PPARG: variants seen among roughly 807,000 people sequenced by gnomAD.
PPARG encodes the protein peroxisome proliferator-activated receptor gamma.
In PPARG, 17 loss-of-function variants were observed where a neutral mutation model predicts 39.2. The observed-to-expected ratio is 0.43, with a 90% CI of 0.30 to 0.65. The LOEUF is 0.65. Ranked by LOEUF, PPARG falls within the 30% of genes least tolerant of loss-of-function variation. PPARG has a pLI of 0.13. For synonymous variants in PPARG, 223 were observed against 215.7 expected (o/e 1.03, Z -0.30); for missense variants, 406 against 585.9 (o/e 0.69, Z 3.17).
At chr3:12,433,537 C>CAA (rs11451254) in intron 7 of PPARG, among the ~76,000 whole-genome samples, 1,461 of 98,740 alleles carry the variant, frequency 0.015, 42 homozygotes, top group African/African-American at 0.047. Context: ...GACTCCATCT[C>CAA]AAAAAAAAAA....
intron 2 of PPARG, among the ~76,000 whole-genome samples, chr3:12,340,766 A>G (rs1255416279): frequency 6.6e-6 from 1 of 152,222 alleles, no homozygotes; most frequent in Non-Finnish European, 1.5e-5. Context: ...TATTCTAACT[A>G]TGCCCTGTAA....
chr3:12,393,771 T>C (rs1032370685), intron 5 of PPARG, among the ~76,000 whole-genome samples: 3 of 152,006 alleles, frequency 2.0e-5, no homozygotes, highest in Non-Finnish European at 4.4e-5. Context: ...TCTGAGAAAA[T>C]TAAATTTTTG....
chr3:12,380,002 T>C (rs1038020475), intron 3 of PPARG, 71 bp downstream of exon 3: 2 of 1,269,260 alleles, frequency 1.6e-6, no homozygotes, highest in African/African-American at 3.0e-5. Flanking sequence ...AACCCTGTAA[T>C]AAATAATGCT....
intron 2 of PPARG, among the ~76,000 whole-genome samples, chr3:12,370,177 G>A (rs575431919): frequency 1.3e-5 from 2 of 152,048 alleles, no homozygotes; most frequent in African/African-American, 2.4e-5. Flanking sequence ...AAAATTCTAG[G>A]TTGGAAATTT....
intron 2 of PPARG, among the ~76,000 whole-genome samples, chr3:12,377,503 G>T (rs1026278114): frequency 2.0e-5 from 3 of 152,094 alleles, no homozygotes; most frequent in Non-Finnish European, 4.4e-5. Context: ...TAATAATTGA[G>T]TGATTTTTCC....
In PPARG at chr3:12,433,884, A is replaced by T; in HGVS notation, c.1181-14A>T. On this transcript the variant is annotated splice_polypyrimidine_tract_variant and intron_variant, in intron 7 of 7. Transcript: ENST00000651735. ...CTGAACCCCCTGTTGTGTTTTCCATATGTGCTTCCCCAGACCGCCCAGGTT... is the reference window on the plus strand; with the variant it reads ...CTGAACCCCCTGTTGTGTTTTCCATTTGTGCTTCCCCAGACCGCCCAGGTT... 6.2e-7 allele frequency: 1 copy of T among 1,613,888 alleles called. No individual in the cohort carries two copies. Among genetic ancestry groups the T allele is most frequent in the South Asian group, 1.1e-5 (1 of 91,066 alleles).
At chr3:12,417,771 TA>T (rs2051112243) in intron 7 of PPARG, among the ~76,000 whole-genome samples, 1 of 151,980 alleles carries the variant, frequency 6.6e-6, no homozygotes, top group African/African-American at 2.4e-5. Context: ...AACATAGAAA[TA>T]AATTTAGTTA....
chr3:12,365,367 A>T (rs1287897280), intron 2 of PPARG, among the ~76,000 whole-genome samples: 2 of 152,162 alleles, frequency 1.3e-5, no homozygotes, highest in East Asian at 3.8e-4. Flanking sequence ...TGCACAGAGC[A>T]GACTTTTTTT....
chr3:12,424,756 C>T (rs2051379784), intron 7 of PPARG, among the ~76,000 whole-genome samples: 1 of 152,220 alleles, frequency 6.6e-6, no homozygotes, highest in African/African-American at 2.4e-5. Context: ...TGGCCCATTG[C>T]AAAGCCCTGG....
intron 1 of PPARG, among the ~76,000 whole-genome samples, chr3:12,310,590 A>G (rs2047205812): frequency 8.5e-6 from 1 of 117,412 alleles, no homozygotes; most frequent in African/African-American, 3.1e-5. Flanking sequence ...CAGCCTCCCA[A>G]GTAGCTGGGA....
At chr3:12,408,017 C>G (rs2050734042) in intron 6 of PPARG, among the ~76,000 whole-genome samples, 1 of 152,090 alleles carries the variant, frequency 6.6e-6, no homozygotes, top group South Asian at 2.1e-4. Flanking sequence ...CCCTAAGACC[C>G]CACAGCAAGT....
intron 5 of PPARG, among the ~76,000 whole-genome samples, chr3:12,401,358 T>G (rs1308897499): frequency 6.6e-6 from 1 of 152,160 alleles, no homozygotes; most frequent in East Asian, 1.9e-4. Flanking sequence ...TCTTTCTCTG[T>G]GGGAGAGGTC....
intron 2 of PPARG, among the ~76,000 whole-genome samples, chr3:12,379,437 G>A (rs2049540621): frequency 6.6e-6 from 1 of 152,096 alleles, no homozygotes; most frequent in South Asian, 2.1e-4. Flanking sequence ...CAGGCCTGTT[G>A]GCAAAAAGGC....
At chr3:12,330,601 A>G (rs1438895880) in intron 2 of PPARG, among the ~76,000 whole-genome samples, 4 of 152,194 alleles carry the variant, frequency 2.6e-5, no homozygotes, top group Non-Finnish European at 5.9e-5. Flanking sequence ...TCAGCCTTCC[A>G]TTGCCATATA....
At chr3:12,339,404 T>G (rs2048109398) in intron 2 of PPARG, among the ~76,000 whole-genome samples, 1 of 152,206 alleles carries the variant, frequency 6.6e-6, no homozygotes, top group East Asian at 1.9e-4. Flanking sequence ...TTGCAAAGCT[T>G]GGTAAATTTA....
At chr3:12,334,609 A>G (rs566210975) in intron 2 of PPARG, among the ~76,000 whole-genome samples, 1 of 151,886 alleles carries the variant, frequency 6.6e-6, no homozygotes, top group East Asian at 1.9e-4. Context: ...GCTTCTGTGA[A>G]CCTCCTCAGT....
chr3:12,302,704 T>G (rs376803319), intron 1 of PPARG, among the ~76,000 whole-genome samples: 13 of 152,194 alleles, frequency 8.5e-5, no homozygotes, highest in African/African-American at 1.9e-4. Context: ...GAAGTGTAGA[T>G]TTTAGGCCAG....
At chr3:12,379,999 TAATA>T (rs1184546644) in intron 3 of PPARG, 68 bp downstream of exon 3, 6 of 1,279,502 alleles carry the variant, frequency 4.7e-6, no homozygotes, top group Non-Finnish European at 6.8e-6. Context: ...AGTAACCCTG[TAATA>T]AATAATGCTC....
chr3:12,332,100 A>G (rs1315424697), intron 2 of PPARG, among the ~76,000 whole-genome samples: 1 of 152,204 alleles, frequency 6.6e-6, no homozygotes, highest in Non-Finnish European at 1.5e-5. Context: ...CCCAGAATCT[A>G]GTCATGTGAA....
Sources: allele counts gnomAD v4.1 joint callset (sites outside exome capture counted in the v4.1 genomes callset), GRCh38; gene constraint gnomAD v4.1.1; transcripts MANE v1.5; gene names NCBI Gene and HGNC (gene_info 2026-07-23, HGNC 2026-07-21).